ZIM2: variants seen among roughly 807,000 people sequenced by gnomAD.
ZIM2 encodes the protein zinc finger imprinted 2.
A neutral mutation model predicts 38.6 loss-of-function variants in ZIM2; 14 were observed. The observed-to-expected ratio is 0.36, with a 90% CI of 0.24 to 0.57. The LOEUF is 0.57. Ranked by LOEUF, ZIM2 falls within the 20% of genes least tolerant of loss-of-function variation. ZIM2 has a pLI of 0.81. For missense variants in ZIM2, 680 were observed against 695.1 expected (o/e 0.98, Z 0.24); for synonymous variants, 247 against 245.8 (o/e 1.00, Z -0.04).
intron 9 of ZIM2, chr19:56,816,047 G>A: frequency 6.3e-7 from 1 of 1,597,580 alleles, no homozygotes; most frequent in South Asian, 1.1e-5. Context: ...ATTACTTTTG[G>A]TTTACTGGGC....
In ZIM2 at chr19:56,813,808, T is replaced by C. The variant is rs565366641; in HGVS notation, c.490+3938A>G. 38 of 1,614,132 alleles carry C rather than the reference T, an allele frequency of 2.4e-5. No individual in the cohort carries two copies. The Admixed American group carries it at 4.5e-4, about 19-fold the overall frequency. ...TGTGCTGGTGCTGGCACGTTCGATG[T>C]AGCCTGAGCACTCCCCAAAGGCATT... On this transcript the variant is annotated intron_variant, in intron 9 of 12. Transcript: ENST00000629319.
At chr19:56,840,173 C>T (rs1312207454) in intron 1 of ZIM2, among the ~76,000 whole-genome samples, 3 of 152,202 alleles carry the variant, frequency 2.0e-5, no homozygotes, top group Admixed American at 6.5e-5. Flanking sequence ...ACAGGGATAG[C>T]ATTGGTGTCG....
intron 9 of ZIM2, 37 bp from the exon 10 acceptor site, chr19:56,789,988 T>A: frequency 6.7e-7 from 1 of 1,482,066 alleles, no homozygotes; most frequent in Non-Finnish European, 9.1e-7. Flanking sequence ...AATTGAGTCC[T>A]GTCTGGTAGC....
intron 9 of ZIM2, among the ~76,000 whole-genome samples, chr19:56,795,881 C>A (rs1044522792): frequency 1.3e-5 from 2 of 152,020 alleles, no homozygotes; most frequent in Non-Finnish European, 2.9e-5. Context: ...AAAACTAATG[C>A]CTTATGTAAG....
rs931903950 is a variant in ZIM2, at chr19:56,840,647, G to C, written c.-379C>G. On this transcript the variant is annotated 5_prime_UTR_variant, in exon 1 of 13. Transcript: ENST00000629319. ...CTAGCGCACCCTCATGGCGCCCGGC[G>C]CCCGGCGGCGCCACCAGCCCAGGGT... The C allele has an allele frequency of 1.3e-5, 2 of 152,870 alleles. No homozygotes were observed. The highest frequency in any genetic ancestry group is 2.9e-5 in the Non-Finnish European group (2 of 68,598). The allele number at this position is 152,870 out of a possible 1,614,324, so 9.5% of individuals were successfully genotyped here.
At chr19:56,824,818 C>T in intron 3 of ZIM2, 1 of 641,958 alleles carries the variant, frequency 1.6e-6, no homozygotes, top group Non-Finnish European at 2.7e-6. Flanking sequence ...TTACCAGAGG[C>T]ATCGACAATG....
intron 9 of ZIM2, among the ~76,000 whole-genome samples, chr19:56,807,209 C>T (rs1342304828): frequency 2.0e-5 from 3 of 152,126 alleles, no homozygotes; most frequent in Non-Finnish European, 4.4e-5. Context: ...AAAGGCAAAA[C>T]GTGGTTATAA....
intron 9 of ZIM2, chr19:56,798,171 T>C (rs765230722): frequency 1.3e-5 from 2 of 152,206 alleles, no homozygotes; most frequent in African/African-American, 2.4e-5. Flanking sequence ...ACAGCTTTCA[T>C]TGAATTACTT....
rs1568560616 is a variant in ZIM2 at position 56,776,114 on chromosome 19, A to AGG, written c.836-586_836-585insCC. Among the ~76,000 whole-genome samples, 3 of 148,200 alleles carry AGG rather than the reference A, an allele frequency of 2.0e-5. No homozygotes were observed. In the East Asian group the frequency reaches 6.0e-4, roughly 30 times the overall value. ...AGACTCTGTCTCAAAAAAAAAAAAA[A>AGG]AAAAAAAAGGAAAAGACAGTAAGCA... On this transcript the variant is annotated intron_variant, in intron 12 of 12. Coordinates refer to ENST00000629319, the MANE Select transcript of ZIM2 (RefSeq NM_001387356.1).
intron 9 of ZIM2, chr19:56,815,016 A>G (rs2146158860): frequency 6.2e-7 from 1 of 1,614,150 alleles, no homozygotes; most frequent in East Asian, 2.2e-5. Flanking sequence ...GAATTACAGA[A>G]TGTGTGTACT....
chr19:56,802,077 C>T (rs2047553334), intron 9 of ZIM2, among the ~76,000 whole-genome samples: 1 of 152,188 alleles, frequency 6.6e-6, no homozygotes. Flanking sequence ...CTGTCTCCTT[C>T]ATGTCTGAAG....
At chr19:56,808,628 C>T (rs2047887185) in intron 9 of ZIM2, among the ~76,000 whole-genome samples, 1 of 152,134 alleles carries the variant, frequency 6.6e-6, no homozygotes, top group Non-Finnish European at 1.5e-5. Flanking sequence ...AACTCGAGAG[C>T]TGGCTAGCCT....
intron 9 of ZIM2, among the ~76,000 whole-genome samples, chr19:56,808,876 AC>A (rs2047907269): frequency 6.6e-6 from 1 of 152,088 alleles, no homozygotes; most frequent in African/African-American, 2.4e-5. Flanking sequence ...CTGTTTATTC[AC>A]AAGTATACCC....
At chr19:56,835,445 G>C (rs1339547786) in intron 2 of ZIM2, among the ~76,000 whole-genome samples, 1 of 152,140 alleles carries the variant, frequency 6.6e-6, no homozygotes, top group Non-Finnish European at 1.5e-5. Flanking sequence ...CCCCTCTGCT[G>C]AGACTACTCT....
intron 2 of ZIM2, among the ~76,000 whole-genome samples, chr19:56,827,647 C>T (rs1184087643): frequency 6.6e-6 from 1 of 152,120 alleles, no homozygotes; most frequent in African/African-American, 2.4e-5. Context: ...ATGAATTTAC[C>T]TCAGAGATAT....
chr19:56,833,174 TC>T (rs1156847645), intron 2 of ZIM2: 2 of 517,354 alleles, frequency 3.9e-6, no homozygotes, highest in Admixed American at 3.9e-5. Flanking sequence ...GGCTCCCACA[TC>T]CCATCTGATG....
intron 1 of ZIM2, among the ~76,000 whole-genome samples, chr19:56,839,777 T>C (rs879447237): frequency 3.9e-5 from 6 of 152,156 alleles, no homozygotes; most frequent in Non-Finnish European, 7.3e-5. Flanking sequence ...GAACAGCGCC[T>C]GCGCGGCAAA....
chr19:56,805,914 GA>G (rs1275725674), intron 9 of ZIM2, among the ~76,000 whole-genome samples: 1 of 152,186 alleles, frequency 6.6e-6, no homozygotes, highest in Non-Finnish European at 1.5e-5. Context: ...TGACAGATTT[GA>G]TAAAAGCACT....
chr19:56,811,706 C>T, intron 9 of ZIM2: 1 of 985,504 alleles, frequency 1.0e-6, no homozygotes, highest in Non-Finnish European at 1.2e-6. Flanking sequence ...AACCTCACTG[C>T]CCCTCAGCTT....
Sources: allele counts gnomAD v4.1 joint callset (sites outside exome capture counted in the v4.1 genomes callset), GRCh38; gene constraint gnomAD v4.1.1; transcripts MANE v1.5; gene names NCBI Gene and HGNC (gene_info 2026-07-23, HGNC 2026-07-21).